EBF2: variants seen among roughly 807,000 people sequenced by gnomAD.
EBF2 encodes EBF transcription factor 2, also known as transcription factor COE2.
A neutral mutation model predicts 72.8 loss-of-function variants in EBF2; 21 were observed. The ratio of observed to expected loss-of-function variants is 0.29; its 90% CI spans 0.20 to 0.42. The LOEUF (loss-of-function observed/expected upper bound fraction) is 0.42. Ranked by LOEUF, EBF2 falls within the 10% of genes least tolerant of loss-of-function variation. EBF2 has a pLI of 1.00. For missense variants in EBF2, 637 were observed against 731.2 expected (o/e 0.87, Z 1.49); for synonymous variants, 299 against 274.2 (o/e 1.09, Z -0.89).
intron 6 of EBF2, among the ~76,000 whole-genome samples, chr8:26,016,828 T>C (rs574800547): frequency 6.6e-6 from 1 of 152,258 alleles, no homozygotes; most frequent in African/African-American, 2.4e-5. Context: ...CAGTAAAAAT[T>C]GGTTAAGGTC....
rs1167759712 is a variant in EBF2, at chr8:26,041,075, T to A, written c.289-73A>T. 1.8e-5 allele frequency: 27 copies of A among 1,539,674 alleles called. No homozygotes were observed. In the Admixed American group the frequency reaches 4.8e-4, roughly 27 times the overall value. ...AATGAGGGAAAGAGGAGACAGTGAA[T>A]CCCCACCTCACATCCCTTCTCCCCA... On this transcript the variant is annotated intron_variant, in intron 2 of 15. Coordinates refer to ENST00000520164, the MANE Select transcript of EBF2 (RefSeq NM_022659.4).
chr8:25,884,109 T>C (rs1802649201), intron 10 of EBF2, among the ~76,000 whole-genome samples: 1 of 152,164 alleles, frequency 6.6e-6, no homozygotes, highest in Non-Finnish European at 1.5e-5. Flanking sequence ...CCAAAGTCCT[T>C]GCCCTGCCTG....
chr8:26,042,137 C>A lies in EBF2; in HGVS notation c.246G>T (p.Glu82Asp). Residue 82 changes from glutamate (E) to aspartate (D), a missense_variant, in exon 2 of 16, where the codon GAG (glutamate) becomes GAT (aspartate). Around this residue, in one of 3 missense-constraint regions of EBF2, gnomAD observed 174 missense variants for 161.9 expected, o/e 1.07. Transcript: ENST00000520164. ...ALYDRQGQPVEIERTAFVDFV... is the reference protein window; with the variant it reads ...ALYDRQGQPVDIERTAFVDFV... ...AGTCCACGAAGGCCGTCCGCTCGAT[C>A]TCCACCGGCTGGCCCTGCCTGTCAT... The A allele has an allele frequency of 1.2e-6, 2 of 1,614,168 alleles. No individual in the cohort carries two copies. Among genetic ancestry groups the A allele is most frequent in the Non-Finnish European group, 1.7e-6 (2 of 1,180,024 alleles).
intron 6 of EBF2, among the ~76,000 whole-genome samples, chr8:25,924,618 C>T (rs1803356258): frequency 6.6e-6 from 1 of 152,168 alleles, no homozygotes; most frequent in African/African-American, 2.4e-5. Context: ...TTTGGAAACA[C>T]TAAATCAATT....
chr8:25,861,006 T>C (rs73677231), intron 13 of EBF2, 43 bp downstream of exon 13: 1 of 1,613,116 alleles, frequency 6.2e-7, no homozygotes, highest in East Asian at 2.2e-5. Flanking sequence ...CAGAACTTTT[T>C]AAATTAGACA....
chr8:26,032,912 T>A, intron 6 of EBF2, 173 bp downstream of exon 6: 1 of 606,910 alleles, frequency 1.6e-6, no homozygotes, highest in Non-Finnish European at 2.9e-6. Flanking sequence ...CAAAGGAAGA[T>A]TCTGGCTTCT....
intron 6 of EBF2, among the ~76,000 whole-genome samples, chr8:25,943,821 C>A (rs569260213): frequency 6.6e-6 from 1 of 152,282 alleles, no homozygotes; most frequent in Non-Finnish European, 1.5e-5. Context: ...TTTGGAACGT[C>A]ATTTTCCTCC....
At chr8:25,916,330 A>G (rs1272935028) in intron 6 of EBF2, among the ~76,000 whole-genome samples, 2 of 151,832 alleles carry the variant, frequency 1.3e-5, no homozygotes, top group Non-Finnish European at 1.5e-5. Context: ...ACAAAAAACA[A>G]CAACAACAAA....
At chr8:25,986,000 T>TAAAAAAAAAAA (rs1804445550) in intron 6 of EBF2, among the ~76,000 whole-genome samples, 1 of 2,528 alleles carries the variant, frequency 4.0e-4, no homozygotes, top group African/African-American at 1.6e-3. Flanking sequence ...AAACTCTGTC[T>TAAAAAAAAAAA]CAAAAAAAAA....
chr8:25,995,368 G>T (rs1804608098), intron 6 of EBF2, among the ~76,000 whole-genome samples: 1 of 151,972 alleles, frequency 6.6e-6, no homozygotes, highest in Non-Finnish European at 1.5e-5. Context: ...AAGATTTAAA[G>T]CAAACATATT....
intron 6 of EBF2, among the ~76,000 whole-genome samples, chr8:25,962,643 T>C (rs1804052950): frequency 6.6e-6 from 1 of 152,208 alleles, no homozygotes; most frequent in Non-Finnish European, 1.5e-5. Flanking sequence ...AAGTGGCTCT[T>C]AAACAAAGAC....
At chr8:25,914,076 C>T (rs1350741134) in intron 6 of EBF2, among the ~76,000 whole-genome samples, 3 of 152,142 alleles carry the variant, frequency 2.0e-5, no homozygotes, top group East Asian at 3.9e-4. Context: ...AGTTTACATC[C>T]TTTGGGCGAT....
intron 10 of EBF2, among the ~76,000 whole-genome samples, chr8:25,871,008 C>G (rs1025458169): frequency 6.6e-6 from 1 of 152,178 alleles, no homozygotes; most frequent in South Asian, 2.1e-4. Context: ...GCTGAAAGTA[C>G]TCCAGCTCTG....
At chr8:26,037,866 C>T (rs1324515286) in intron 5 of EBF2, among the ~76,000 whole-genome samples, 1 of 152,130 alleles carries the variant, frequency 6.6e-6, no homozygotes, top group Non-Finnish European at 1.5e-5. Flanking sequence ...GCTTTGTTCC[C>T]CCATTCAAAG....
At chr8:25,999,999 C>T (rs1466531983) in intron 6 of EBF2, among the ~76,000 whole-genome samples, 3 of 152,146 alleles carry the variant, frequency 2.0e-5, no homozygotes, top group Admixed American at 6.5e-5. Context: ...GACCTGACTA[C>T]CCTGGCAGAA....
At chr8:25,935,057 G>T (rs1486150764) in intron 6 of EBF2, among the ~76,000 whole-genome samples, 1 of 152,150 alleles carries the variant, frequency 6.6e-6, no homozygotes, top group Admixed American at 6.5e-5. Flanking sequence ...GGATCCCAAC[G>T]CGACAACTAG....
At chr8:25,984,270 G>A (rs1271066759) in intron 6 of EBF2, among the ~76,000 whole-genome samples, 2 of 152,176 alleles carry the variant, frequency 1.3e-5, no homozygotes, top group African/African-American at 2.4e-5. Context: ...GACTTAATGT[G>A]AGTGTCAGAT....
At chr8:26,028,373 C>CGT (rs1423195428) in intron 6 of EBF2, among the ~76,000 whole-genome samples, 1 of 152,138 alleles carries the variant, frequency 6.6e-6, no homozygotes, top group Non-Finnish European at 1.5e-5. Context: ...GGATATTTAG[C>CGT]GTGTGAGAAA....
At chr8:25,850,836 T>G (rs1801952705) in intron 14 of EBF2, 75 bp from the exon 15 acceptor site, 1 of 1,473,174 alleles carries the variant, frequency 6.8e-7, no homozygotes, top group African/African-American at 1.5e-5. Context: ...ACACATTTAT[T>G]GAGAAATTGT....
Sources: allele counts gnomAD v4.1 joint callset (sites outside exome capture counted in the v4.1 genomes callset), GRCh38; gene constraint gnomAD v4.1.1; regional missense constraint gnomAD v4.1.1; transcripts MANE v1.5; gene names NCBI Gene and HGNC (gene_info 2026-07-23, HGNC 2026-07-21).